The following ZZZ3 variants were observed in gnomAD, a reference collection of about 807,000 sequenced individuals.
ZZZ3 encodes ZZ-type zinc finger-containing protein 3.
ZZZ3 carries 22 observed loss-of-function variants against 95.2 expected under a neutral mutation model. The ratio of observed to expected loss-of-function variants is 0.23; its 90% CI spans 0.17 to 0.33. ZZZ3 has a LOEUF of 0.33. Ranked by LOEUF, ZZZ3 falls within the 10% of genes least tolerant of loss-of-function variation. The pLI, the probability that ZZZ3 is intolerant of heterozygous loss-of-function variation, is 1.00. For synonymous variants in ZZZ3, 335 were observed against 358.9 expected, an observed-to-expected ratio of 0.93 and a Z score of 0.75; for missense variants, 885 against 1,066.5, an observed-to-expected ratio of 0.83 and a Z score of 2.37.
At chr1:77,630,294 T>C (rs1667680976) in intron 5 of ZZZ3, among the ~76,000 whole-genome samples, 1 of 151,696 alleles carries the variant, frequency 6.6e-6, no homozygotes, top group Non-Finnish European at 1.5e-5. Context: ...GGCACCATGG[T>C]GAAAACCTGC....
intron 1 of ZZZ3, among the ~76,000 whole-genome samples, chr1:77,682,303 AAAGT>A (rs1412155370): frequency 1.3e-5 from 2 of 152,204 alleles, no homozygotes; most frequent in African/African-American, 4.8e-5. Context: ...AGAACATCTT[AAAGT>A]AAGAGGAACG....
chr1:77,583,940 TTC>T (rs1456552609), intron 6 of ZZZ3, among the ~76,000 whole-genome samples: 1 of 152,140 alleles, frequency 6.6e-6, no homozygotes, highest in African/African-American at 2.4e-5. Flanking sequence ...AACACGAAAG[TTC>T]TGTTTTCAGA....
Position 77,576,158 on chromosome 1 carries a change from C to T in ZZZ3, c.2241G>A (p.Met747Ile). The T allele has an allele frequency of 6.2e-7, 1 of 1,613,586 alleles. No individual in the cohort carries two copies. Among genetic ancestry groups the T allele is most frequent in the Non-Finnish European group, 8.5e-7 (1 of 1,179,902 alleles). Residue 747 changes from methionine (M) to isoleucine (I), a missense_variant, in exon 12 of 15, where the codon ATG becomes ATA. Coordinates refer to ENST00000370801, the MANE Select transcript of ZZZ3 (RefSeq NM_015534.6). The stretch of plus-strand genomic sequence containing the variant: ...TATACACTGGCGGTTCATGTGAAGT[C>T]ATGAAAGTGGAAGGCTTAAAGAGAT... ...NKHLFKPSTF[M>I]TSHEPPVYMD...
rs1045771954 is a variant in ZZZ3, at chr1:77,563,893, A to G, written c.*1747T>C. 1.3e-5 allele frequency: 2 copies of G among 152,042 alleles called. No individual in the cohort carries two copies. Among genetic ancestry groups the G allele is most frequent in the Non-Finnish European group, 2.9e-5 (2 of 67,992 alleles). 9.4% of individuals were successfully genotyped at this position (152,042 alleles called of 1,614,324 possible). A position where few individuals can be genotyped will look rare whatever the true frequency, so the allele number is the denominator to read the frequency against. On this transcript the variant is annotated 3_prime_UTR_variant, in exon 15 of 15. Coordinates refer to ENST00000370801, the MANE Select transcript of ZZZ3 (RefSeq NM_015534.6). Reference sequence around the variant, plus strand: ...TCTTTAATCAATATATTACTTTAAAATTCTCATATTTCTATATTTAAAATT... The same window carrying G: ...TCTTTAATCAATATATTACTTTAAAGTTCTCATATTTCTATATTTAAAATT...
chr1:77,607,749 T>C (rs921391924), intron 5 of ZZZ3, among the ~76,000 whole-genome samples: 1 of 151,758 alleles, frequency 6.6e-6, no homozygotes, highest in African/African-American at 2.4e-5. Context: ...TGGTGAAACC[T>C]TATCTCTCCT....
intron 1 of ZZZ3, among the ~76,000 whole-genome samples, chr1:77,656,841 G>A (rs990578722): frequency 6.6e-6 from 1 of 152,182 alleles, no homozygotes; most frequent in African/African-American, 2.4e-5. Context: ...GTTGCCATGA[G>A]CACTGAATTA....
At chr1:77,628,807 A>G (rs1374398495) in intron 5 of ZZZ3, among the ~76,000 whole-genome samples, 1 of 152,218 alleles carries the variant, frequency 6.6e-6, no homozygotes, top group East Asian at 1.9e-4. Flanking sequence ...CTGGCTATCA[A>G]GAAGTATTCA....
chr1:77,635,432 T>G (rs563033231), intron 4 of ZZZ3, among the ~76,000 whole-genome samples: 1 of 152,348 alleles, frequency 6.6e-6, no homozygotes, highest in East Asian at 1.9e-4. Context: ...CTTACAGTAG[T>G]AAACTTTCAT....
intron 5 of ZZZ3, among the ~76,000 whole-genome samples, chr1:77,622,388 AC>A (rs948800954): frequency 3.3e-5 from 5 of 150,970 alleles, no homozygotes; most frequent in Admixed American, 2.6e-4. Context: ...AAAAAAAAAA[AC>A]CTGAATCAAA....
chr1:77,608,777 G>GT (rs1489526962), intron 5 of ZZZ3, among the ~76,000 whole-genome samples: 1 of 152,082 alleles, frequency 6.6e-6, no homozygotes, highest in Non-Finnish European at 1.5e-5. Flanking sequence ...TTTAAGTCTT[G>GT]TTTTTGTTTA....
chr1:77,608,968 C>T (rs368836598), intron 5 of ZZZ3, among the ~76,000 whole-genome samples: 39 of 151,754 alleles, frequency 2.6e-4, no homozygotes, highest in South Asian at 8.3e-4. Flanking sequence ...AAAAAAGACA[C>T]GAAGAGAGGA....
In ZZZ3 at chr1:77,565,616, T is replaced by G. The variant is rs1053257693; in HGVS notation, c.*24A>C. The G allele has an allele frequency of 1.9e-6, 3 of 1,609,286 alleles. No homozygotes were observed. The African/African-American group carries it at 4.0e-5, about 22-fold the overall frequency. ...ACCATTGCTATGTGTTGAAGAGGAC[T>G]AGTAAATGATGTTCTCTTCCATGTC... is the stretch of plus-strand genomic sequence containing the variant. On this transcript the variant is annotated 3_prime_UTR_variant, in exon 15 of 15. Transcript: ENST00000370801.
In ZZZ3 at chr1:77,601,930, A is replaced by C. The variant is rs144757317; in HGVS notation, c.1506-17275T>G. ...ATATACTCTCAGGAAGGATGGGGAC[A>C]GATACAGACAAATTAGGTTTGGTGG... is the stretch of plus-strand genomic sequence containing the variant. On this transcript the variant is annotated intron_variant, in intron 5 of 14. Coordinates refer to ENST00000370801, the MANE Select transcript of ZZZ3 (RefSeq NM_015534.6). Among the ~76,000 whole-genome samples, 290 of 152,356 alleles carry C rather than the reference A, an allele frequency of 1.9e-3. 4 individuals carry two copies. The highest frequency in any genetic ancestry group is 6.7e-3 in the African/African-American group (277 of 41,592).
chr1:77,669,460 T>TG (rs1553182961), intron 1 of ZZZ3, among the ~76,000 whole-genome samples: 2 of 150,070 alleles, frequency 1.3e-5, no homozygotes, highest in East Asian at 1.9e-4. Context: ...CTCAGTTTTT[T>TG]TTTTTTTTTT....
intron 4 of ZZZ3, among the ~76,000 whole-genome samples, chr1:77,634,659 T>C (rs1235482368): frequency 1.3e-5 from 2 of 152,172 alleles, no homozygotes; most frequent in Admixed American, 6.5e-5. Flanking sequence ...CCAGTTTTAA[T>C]GTGTGGTTTG....
chr1:77,577,889 G>A (rs927732405), intron 11 of ZZZ3, among the ~76,000 whole-genome samples: 1 of 152,160 alleles, frequency 6.6e-6, no homozygotes, highest in African/African-American at 2.4e-5. Context: ...AAAGTGCTGG[G>A]ATTACAGGCG....
At chr1:77,582,849 T>G (rs1372913093) in intron 6 of ZZZ3, among the ~76,000 whole-genome samples, 4 of 152,164 alleles carry the variant, frequency 2.6e-5, no homozygotes, top group Non-Finnish European at 5.9e-5. Flanking sequence ...CTCATGCCTG[T>G]AATCTCAGCA....
At chr1:77,614,143 G>A (rs1666082874) in intron 5 of ZZZ3, among the ~76,000 whole-genome samples, 1 of 152,158 alleles carries the variant, frequency 6.6e-6, no homozygotes, top group South Asian at 2.1e-4. Flanking sequence ...AACATATGCA[G>A]ATTGCTATCA....
chr1:77,584,385 A>G (rs1213178029), intron 6 of ZZZ3, 132 bp downstream of exon 6: 1 of 775,856 alleles, frequency 1.3e-6, no homozygotes, highest in Non-Finnish European at 1.9e-6. Context: ...TGCCTTAAGT[A>G]GTACGGCTAA....
Sources: allele counts gnomAD v4.1 joint callset (sites outside exome capture counted in the v4.1 genomes callset), GRCh38; gene constraint gnomAD v4.1.1; transcripts MANE v1.5; gene names NCBI Gene and HGNC (gene_info 2026-07-23, HGNC 2026-07-21).